Variants in PCTP observed in about 807,000 individuals in gnomAD.
PCTP encodes phosphatidylcholine transfer protein, also known as START domain-containing protein 2.
A neutral mutation model predicts 31.0 loss-of-function variants in PCTP; 27 were observed. The ratio of observed to expected loss-of-function variants is 0.87; its 90% CI spans 0.64 to 1.20. PCTP has a LOEUF of 1.20. Ranked by LOEUF, PCTP falls within the 50% of genes most tolerant of loss-of-function variation. The pLI, the probability that PCTP is intolerant of heterozygous loss-of-function variation, is 0.00. For missense variants in PCTP, 287 were observed against 268.2 expected (o/e 1.07, Z -0.49); for synonymous variants, 108 against 101.2 (o/e 1.07, Z -0.40).
chr17:55,838,262 T>C (rs562635133), intron 5 of PCTP, among the ~76,000 whole-genome samples: 2 of 152,328 alleles, frequency 1.3e-5, no homozygotes, highest in East Asian at 3.9e-4. Context: ...GCAAGCCCTA[T>C]TCAGTGCCTG....
intron 3 of PCTP, among the ~76,000 whole-genome samples, chr17:55,798,448 A>T (rs7211525): frequency 0.042 from 6,439 of 152,074 alleles, 444 homozygotes; most frequent in African/African-American, 0.14. Flanking sequence ...CACAGTAATT[A>T]CTGATGAAAT....
chr17:55,837,390 T>C (rs1472106484), intron 5 of PCTP, among the ~76,000 whole-genome samples: 1 of 152,308 alleles, frequency 6.6e-6, no homozygotes, highest in African/African-American at 2.4e-5. Context: ...TGTTGAATCA[T>C]CACTGGGAAA....
chr17:55,760,845 A>G (rs920135048), intron 1 of PCTP, among the ~76,000 whole-genome samples: 1 of 152,144 alleles, frequency 6.6e-6, no homozygotes, highest in African/African-American at 2.4e-5. Context: ...AGGGAAGGAA[A>G]GGGTTCCCAT....
chr17:55,837,741 C>T (rs188664972), intron 5 of PCTP, among the ~76,000 whole-genome samples: 13 of 150,750 alleles, frequency 8.6e-5, no homozygotes, highest in Admixed American at 8.6e-4. Flanking sequence ...GACAGAGCCA[C>T]CATCATCTCT....
At chr17:55,840,758 G>A (rs1905953685) in intron 5 of PCTP, among the ~76,000 whole-genome samples, 1 of 152,186 alleles carries the variant, frequency 6.6e-6, no homozygotes, top group South Asian at 2.1e-4. Context: ...AGAAACAAGA[G>A]TACAAGGTTC....
At chr17:55,823,247 C>A (rs1241153152), downstream of PCTP, among the ~76,000 whole-genome samples, 2 of 151,966 alleles carry the variant, frequency 1.3e-5, no homozygotes. Flanking sequence ...GAATTTTTAC[C>A]CTAGTATTAC....
chr17:55,824,587 A>G (rs1368430955), downstream of PCTP, among the ~76,000 whole-genome samples: 2 of 152,220 alleles, frequency 1.3e-5, no homozygotes, highest in Non-Finnish European at 2.9e-5. Flanking sequence ...GGTGGGAGAG[A>G]AGCTTTTGTT....
chr17:55,816,584 A>T (rs1184978163), intron 3 of PCTP, among the ~76,000 whole-genome samples: 1 of 152,242 alleles, frequency 6.6e-6, no homozygotes, highest in Non-Finnish European at 1.5e-5. Flanking sequence ...TCTGGACAGT[A>T]TCAGAATGAA....
intron 1 of PCTP, among the ~76,000 whole-genome samples, chr17:55,752,585 C>T (rs1186359541): frequency 6.6e-6 from 1 of 152,138 alleles, no homozygotes; most frequent in Non-Finnish European, 1.5e-5. Flanking sequence ...GGATGCAGTC[C>T]GTCCCTCTCC....
intron 5 of PCTP, among the ~76,000 whole-genome samples, chr17:55,832,260 T>A (rs908100001): frequency 6.6e-6 from 1 of 152,264 alleles, no homozygotes; most frequent in Non-Finnish European, 1.5e-5. Context: ...GTGTCTCAAT[T>A]ATCTGTATTC....
At chr17:55,812,085 T>C (rs554791707) in intron 3 of PCTP, among the ~76,000 whole-genome samples, 22 of 152,332 alleles carry the variant, frequency 1.4e-4, no homozygotes, top group African/African-American at 4.8e-4. Context: ...TGAAAGTAAC[T>C]TGCCAAAGGC....
intron 3 of PCTP, among the ~76,000 whole-genome samples, chr17:55,807,958 C>T (rs562352320): frequency 1.1e-4 from 16 of 152,100 alleles, no homozygotes; most frequent in South Asian, 2.1e-4. Flanking sequence ...TAGATATTAG[C>T]GATAATGATA....
At chr17:55,751,327 G>A (rs943589205) in intron 1 of PCTP, 83 bp downstream of exon 1, 50 of 1,515,906 alleles carry the variant, frequency 3.3e-5, no homozygotes, top group Non-Finnish European at 4.1e-5. Context: ...GGCGGCAGTC[G>A]CGGAAGGGAC....
At chr17:55,840,908 A>G (rs1420815382) in intron 5 of PCTP, among the ~76,000 whole-genome samples, 2 of 152,228 alleles carry the variant, frequency 1.3e-5, no homozygotes, top group Non-Finnish European at 2.9e-5. Flanking sequence ...ATATTCCAAA[A>G]TCCAAAAAAG....
chr17:55,757,195 CATGCTTGTGTGTGTAT>C (rs1910075950), intron 1 of PCTP, among the ~76,000 whole-genome samples: 1 of 150,922 alleles, frequency 6.6e-6, no homozygotes, highest in Non-Finnish European at 1.5e-5. Flanking sequence ...TATACACACA[CATGCTTGTGTGTGTAT>C]ATATGTATAT....
At chr17:55,831,775 T>G (rs1407519472) in intron 5 of PCTP, among the ~76,000 whole-genome samples, 2 of 152,068 alleles carry the variant, frequency 1.3e-5, no homozygotes, top group Non-Finnish European at 2.9e-5. Context: ...CAAACAGACA[T>G]TTTGCCATCA....
At chr17:55,846,623 A>G (rs1213745565), downstream of PCTP, among the ~76,000 whole-genome samples, 2 of 152,216 alleles carry the variant, frequency 1.3e-5, no homozygotes, top group Non-Finnish European at 2.9e-5. Context: ...CTGCCATAGA[A>G]TGGCTGTTTG....
intron 1 of PCTP, among the ~76,000 whole-genome samples, chr17:55,767,063 T>C (rs1385888829): frequency 1.3e-5 from 2 of 152,264 alleles, no homozygotes; most frequent in African/African-American, 4.8e-5. Flanking sequence ...ATGTCTTCTT[T>C]TGAGAAGTAT....
chr17:55,847,216 T>G (rs771325600), downstream of PCTP, among the ~76,000 whole-genome samples: 15 of 152,250 alleles, frequency 9.9e-5, no homozygotes, highest in Non-Finnish European at 2.1e-4. Flanking sequence ...CTGGTTATTC[T>G]CTTCTCTCTG....
Sources: gnomAD v4.1 joint callset for allele counts (sites outside exome capture counted in the v4.1 genomes callset) on GRCh38, gnomAD v4.1.1 for gene constraint, MANE v1.5 for transcripts, NCBI Gene and HGNC (gene_info 2026-07-23, HGNC 2026-07-21) for gene names.